ZNF609: variants seen among roughly 807,000 people sequenced by gnomAD.
The protein encoded by ZNF609 is zinc finger protein 609.
ZNF609 carries 11 observed loss-of-function variants against 109.5 expected under a neutral mutation model. The observed-to-expected ratio is 0.10, with a 90% confidence interval of 0.06 to 0.17. ZNF609 has a LOEUF of 0.17. ZNF609 is among the 10% of genes least tolerant of loss of function. The pLI is 1.00. For synonymous variants in ZNF609, 646 were observed against 662.0 expected, an observed-to-expected ratio of 0.98 and a Z score of 0.37; for missense variants, 1,559 against 1,772.4, an observed-to-expected ratio of 0.88 and a Z score of 2.16.
chr15:64,568,014 AAAGTT>A (rs1187489895), intron 2 of ZNF609, among the ~76,000 whole-genome samples: 4 of 152,276 alleles, frequency 2.6e-5, no homozygotes, highest in East Asian at 1.9e-4. Flanking sequence ...AACATACAGA[AAAGTT>A]AAGTAAAATG....
chr15:64,581,356 A>G (rs960942791), intron 2 of ZNF609, among the ~76,000 whole-genome samples: 1 of 152,126 alleles, frequency 6.6e-6, no homozygotes, highest in Non-Finnish European at 1.5e-5. Flanking sequence ...CAGACAATCT[A>G]GAAAACATAC....
At chr15:64,579,245 G>C (rs1331714923) in intron 2 of ZNF609, among the ~76,000 whole-genome samples, 1 of 151,718 alleles carries the variant, frequency 6.6e-6, no homozygotes, top group Admixed American at 6.6e-5. Context: ...AAAACAAAAA[G>C]AAGTGATGGT....
chr15:64,631,523 T>G, intron 3 of ZNF609: 1 of 653,968 alleles, frequency 1.5e-6, no homozygotes, highest in Non-Finnish European at 2.8e-6. Context: ...AGAAACAACT[T>G]CATATTTTCT....
chr15:64,584,071 T>C (rs1895155005), intron 2 of ZNF609, among the ~76,000 whole-genome samples: 1 of 152,162 alleles, frequency 6.6e-6, no homozygotes, highest in African/African-American at 2.4e-5. Flanking sequence ...TTTATGCCTA[T>C]TTTTATTTGG....
chr15:64,680,211 T>C lies in ZNF609; in HGVS notation c.3796T>C (p.Phe1266Leu). ...TTCCTACCTGCCTTCCAGCTACTCT[T>C]TTTCCCCATATGGCAGCAAGGTCTC... ...PGSYLPSSYS[F>L]SPYGSKVSGG... Residue 1266 changes from phenylalanine (F) to leucine (L), a missense_variant, in exon 7 of 10, where the codon TTT (phenylalanine) becomes CTT (leucine). By Grantham distance (22) the Phe-to-Leu change is conservative. This residue lies in a region of ZNF609 where 1,204 missense variants were observed against 1,314.1 expected (regional missense o/e 0.92). Transcript: ENST00000326648. 1 of 1,614,134 alleles carries C rather than the reference T, an allele frequency of 6.2e-7. No homozygotes were observed. The highest frequency in any genetic ancestry group is 8.5e-7 in the Non-Finnish European group (1 of 1,180,030).
At position 64,593,090 on chromosome 15, in the gene ZNF609, A is replaced by T; in HGVS notation, c.748-29737A>T. On this transcript the variant is annotated intron_variant, in intron 2 of 9. Transcript: ENST00000326648. ...CGTGCCCAAAGACAAGGCCATTAAGAAATTCGTCATTCGAAACATAGTGGA... is the reference window on the plus strand; with the variant it reads ...CGTGCCCAAAGACAAGGCCATTAAGTAATTCGTCATTCGAAACATAGTGGA... 2.5e-6 allele frequency: 4 copies of T among 1,594,366 alleles called. No homozygotes were observed. The South Asian group carries it at 4.4e-5, about 18-fold the overall frequency.
rs1164020500 is a variant in ZNF609, at chr15:64,685,271, G to T, written c.*3585G>T. The T allele has an allele frequency of 1.3e-5, 2 of 152,404 alleles. No individual in the cohort carries two copies. The highest frequency in any genetic ancestry group is 4.8e-5 in the African/African-American group (2 of 41,336). The allele number at this position is 152,404 out of a possible 1,614,324, so 9.4% of individuals were successfully genotyped here. On this transcript the variant is annotated 3_prime_UTR_variant, in exon 10 of 10. Transcript: ENST00000326648. ...CTTTTTAAGAGACAATCACAAATCT[G>T]TGAGGGCTGCTGGTTATTTCTCCTG...
At chr15:64,607,073 G>T (rs1278366540) in intron 2 of ZNF609, among the ~76,000 whole-genome samples, 1 of 152,164 alleles carries the variant, frequency 6.6e-6, no homozygotes. Flanking sequence ...GAACTCGGGA[G>T]GCGGAGGTTG....
intron 2 of ZNF609, among the ~76,000 whole-genome samples, chr15:64,536,451 T>C (rs1894144775): frequency 1.3e-5 from 2 of 152,168 alleles, no homozygotes; most frequent in African/African-American, 4.8e-5. Context: ...CATCTTTTGC[T>C]TGAATCAACT....
intron 4 of ZNF609, 43 bp from the exon 5 acceptor site, chr15:64,673,873 T>G (rs1355682838): frequency 1.9e-6 from 3 of 1,563,552 alleles, no homozygotes; most frequent in Non-Finnish European, 2.6e-6. Context: ...TGAAGATGTT[T>G]TCTCTTCTTA....
At chr15:64,603,387 C>G (rs1291370127) in intron 2 of ZNF609, among the ~76,000 whole-genome samples, 1 of 151,574 alleles carries the variant, frequency 6.6e-6, no homozygotes, top group Non-Finnish European at 1.5e-5. Flanking sequence ...TCTTCTGCCT[C>G]AGCCCCCAGA....
intron 2 of ZNF609, chr15:64,502,691 A>G (rs576838289): frequency 6.6e-6 from 1 of 152,372 alleles, no homozygotes; most frequent in South Asian, 2.1e-4. Flanking sequence ...GGAAGAACTC[A>G]TAAAATTTGG....
At chr15:64,575,821 G>A (rs947357483) in intron 2 of ZNF609, among the ~76,000 whole-genome samples, 1 of 152,134 alleles carries the variant, frequency 6.6e-6, no homozygotes, top group Non-Finnish European at 1.5e-5. Context: ...TGATATACTT[G>A]GCCGGGCAAG....
intron 3 of ZNF609, among the ~76,000 whole-genome samples, chr15:64,627,667 T>TC (rs1011877257): frequency 1.5e-5 from 2 of 131,460 alleles, no homozygotes; most frequent in African/African-American, 5.9e-5. Context: ...TTCTTTCTTT[T>TC]TTTTTTTTTT....
intron 2 of ZNF609, among the ~76,000 whole-genome samples, chr15:64,528,374 A>T (rs1026466856): frequency 3.3e-5 from 5 of 150,514 alleles, no homozygotes; most frequent in African/African-American, 7.3e-5. Context: ...TGGGGGTTTT[A>T]AAAAAATTTA....
intron 2 of ZNF609, among the ~76,000 whole-genome samples, chr15:64,607,863 CT>C (rs199756617): frequency 0.04 from 295 of 7,350 alleles, 5 homozygotes; most frequent in African/African-American, 0.049. Context: ...TTCTTTCTTT[CT>C]TTCTTTCTTT....
intron 2 of ZNF609, among the ~76,000 whole-genome samples, chr15:64,582,568 G>A (rs1895122314): frequency 6.6e-6 from 1 of 151,960 alleles, no homozygotes; most frequent in South Asian, 2.1e-4. Context: ...CAAAAACTCA[G>A]TCCAACTTTT....
In ZNF609 at chr15:64,676,561, G is replaced by T. The variant is rs536369246; in HGVS notation, c.3402+305G>T. ...TTCTCCTGCCTCAGCCTCCCGAGTA[G>T]CTGAGATTACAGGCACACGCCACCA... On this transcript the variant is annotated intron_variant, in intron 5 of 9. Transcript: ENST00000326648. Among the ~76,000 whole-genome samples the T allele has an allele frequency of 1.0e-3, 159 of 151,446 alleles. 1 individual carries two copies. Among genetic ancestry groups the T allele is most frequent in the Non-Finnish European group, 1.8e-3 (121 of 67,816 alleles).
intron 2 of ZNF609, among the ~76,000 whole-genome samples, chr15:64,538,115 A>AG: frequency 6.6e-6 from 1 of 152,322 alleles, no homozygotes; most frequent in East Asian, 1.9e-4. Flanking sequence ...TCAAAAAAAA[A>AG]AAAGAAAGAA....
Sources: gnomAD v4.1 joint callset for allele counts (sites outside exome capture counted in the v4.1 genomes callset) on GRCh38, gnomAD v4.1.1 for gene constraint, gnomAD v4.1.1 regional missense constraint, MANE v1.5 for transcripts, NCBI Gene and HGNC (gene_info 2026-07-23, HGNC 2026-07-21) for gene names.